DCC: variants seen among roughly 807,000 people sequenced by gnomAD.
The protein encoded by DCC is DCC netrin 1 receptor.
DCC carries 58 observed loss-of-function variants against 172.5 expected under a neutral mutation model. That is an observed-to-expected ratio of 0.34 (90% CI 0.27 to 0.42). DCC has a LOEUF of 0.42. DCC is among the 10% of genes least tolerant of loss of function. The pLI is 1.00. For missense variants in DCC, 1,740 were observed against 1,791.0 expected, an observed-to-expected ratio of 0.97 and a Z score of 0.51; for synonymous variants, 709 against 644.5, an observed-to-expected ratio of 1.10 and a Z score of -1.52.
chr18:53,263,601 A>G (rs2056631882), intron 12 of DCC, among the ~76,000 whole-genome samples: 1 of 152,210 alleles, frequency 6.6e-6, no homozygotes, highest in South Asian at 2.1e-4. Flanking sequence ...TTAATGGTGC[A>G]TCTAAAATAA....
chr18:53,023,405 A>G (rs2041911431), intron 5 of DCC, among the ~76,000 whole-genome samples: 1 of 13,838 alleles, frequency 7.2e-5, no homozygotes, highest in Non-Finnish European at 1.8e-4. Flanking sequence ...TCAGACCAAA[A>G]AAAAAAAAAA....
chr18:52,959,134 A>G (rs1433616796), intron 5 of DCC, among the ~76,000 whole-genome samples: 1 of 152,084 alleles, frequency 6.6e-6, no homozygotes, highest in African/African-American at 2.4e-5. Flanking sequence ...AATAAATAAC[A>G]TTTCAGGGGG....
intron 27 of DCC, among the ~76,000 whole-genome samples, chr18:53,500,023 CAATTAATTT>C (rs1013669952): frequency 4.6e-5 from 7 of 152,132 alleles, no homozygotes; most frequent in African/African-American, 1.2e-4. Context: ...GAGTACAACT[CAATTAATTT>C]TAAAAATGAA....
chr18:52,362,989 TC>T lies in DCC; in HGVS notation c.91+22113del, dbSNP rs200586226. ...TCTCGGCTTACTGCAACCTCTGCCT[TC>T]CGGGTTCAAGCGATTACCCTGCCTC... On this transcript the variant is annotated intron_variant, in intron 1 of 28. Coordinates refer to ENST00000442544, the MANE Select transcript of DCC (RefSeq NM_005215.4). Among the ~76,000 whole-genome samples the T allele has an allele frequency of 3.5e-3, 536 of 152,176 alleles. 6 individuals are homozygous for T. Among genetic ancestry groups the T allele is most frequent in the African/African-American group, 0.012 (508 of 41,524 alleles).
chr18:53,173,422 T>C (rs1209965339), intron 8 of DCC, among the ~76,000 whole-genome samples: 1 of 152,118 alleles, frequency 6.6e-6, no homozygotes, highest in Non-Finnish European at 1.5e-5. Flanking sequence ...GAGTGTACAG[T>C]TCTATGGTAT....
chr18:52,517,795 A>G (rs781715900), intron 1 of DCC, among the ~76,000 whole-genome samples: 17 of 152,148 alleles, frequency 1.1e-4, no homozygotes, highest in Non-Finnish European at 2.2e-4. Context: ...GACTTCTGAT[A>G]CCATAAATTA....
At chr18:53,108,674 T>G (rs935134670) in intron 7 of DCC, among the ~76,000 whole-genome samples, 1 of 151,794 alleles carries the variant, frequency 6.6e-6, no homozygotes, top group South Asian at 2.1e-4. Context: ...TATATATGAA[T>G]GGAATCCCAC....
intron 7 of DCC, among the ~76,000 whole-genome samples, chr18:53,125,215 G>A (rs932029162): frequency 3.3e-4 from 50 of 151,964 alleles, no homozygotes; most frequent in African/African-American, 6.3e-4. Flanking sequence ...GGATTTTACC[G>A]AAATAATAGT....
At chr18:52,776,862 A>G (rs2037444189) in intron 2 of DCC, among the ~76,000 whole-genome samples, 1 of 152,172 alleles carries the variant, frequency 6.6e-6, no homozygotes, top group Non-Finnish European at 1.5e-5. Context: ...AGTATAAAAT[A>G]CATTGTCAGA....
chr18:52,634,498 G>C (rs1427948911), intron 1 of DCC, among the ~76,000 whole-genome samples: 1 of 152,134 alleles, frequency 6.6e-6, no homozygotes, highest in African/African-American at 2.4e-5. Flanking sequence ...ATGATCTATT[G>C]TCATTTAAAT....
intron 15 of DCC, among the ~76,000 whole-genome samples, chr18:53,350,159 T>G (rs2057773187): frequency 1.3e-5 from 2 of 152,148 alleles, no homozygotes; most frequent in Admixed American, 1.3e-4. Context: ...AATATTCCTG[T>G]GAGGATTTAT....
intron 1 of DCC, among the ~76,000 whole-genome samples, chr18:52,517,216 T>C (rs9952084): frequency 0.45 from 68,473 of 152,090 alleles, 15,491 homozygotes; most frequent in East Asian, 0.57. Flanking sequence ...ATATCTGTTC[T>C]AGATGAAATT....
chr18:53,094,315 G>A lies in DCC; in HGVS notation c.1261+28149G>A, dbSNP rs544708608. Among the ~76,000 whole-genome samples the A allele has an allele frequency of 3.3e-5, 5 of 152,290 alleles. No individual in the cohort carries two copies. The East Asian group carries it at 9.7e-4, about 29-fold the overall frequency. ...GAAGAAGGACTTTGTAATGAAATAT[G>A]TACTATCTATTTTTCTCATTCCTCT... On this transcript the variant is annotated intron_variant, in intron 7 of 28. Transcript: ENST00000442544.
At chr18:52,555,821 A>G (rs1424031402) in intron 1 of DCC, among the ~76,000 whole-genome samples, 3 of 152,306 alleles carry the variant, frequency 2.0e-5, no homozygotes, top group Non-Finnish European at 4.4e-5. Context: ...AGGATGTTTT[A>G]TAGACTGTGT....
chr18:53,419,432 C>T (rs1219660231), intron 21 of DCC, among the ~76,000 whole-genome samples: 1 of 152,158 alleles, frequency 6.6e-6, no homozygotes, highest in East Asian at 1.9e-4. Context: ...CACCTCCCCT[C>T]TCCCCAGCCC....
chr18:53,087,125 G>A (rs2042925034), intron 7 of DCC, among the ~76,000 whole-genome samples: 1 of 152,064 alleles, frequency 6.6e-6, no homozygotes, highest in African/African-American at 2.4e-5. Context: ...CCAGCAATGG[G>A]ATGGCTGGGT....
chr18:52,356,941 C>T (rs1000662848), intron 1 of DCC, among the ~76,000 whole-genome samples: 1 of 152,122 alleles, frequency 6.6e-6, no homozygotes, highest in African/African-American at 2.4e-5. Flanking sequence ...TACCACCACA[C>T]CTGGCTAATT....
chr18:53,412,890 G>T (rs761267809), intron 20 of DCC, among the ~76,000 whole-genome samples: 5 of 152,070 alleles, frequency 3.3e-5, no homozygotes, highest in Non-Finnish European at 7.3e-5. Context: ...ACTTATGTAG[G>T]TACACATATA....
intron 12 of DCC, among the ~76,000 whole-genome samples, chr18:53,227,391 A>G (rs1254445607): frequency 6.6e-6 from 1 of 152,222 alleles, no homozygotes; most frequent in Non-Finnish European, 1.5e-5. Context: ...ACACTCAACA[A>G]TGAAACCCAC....
Sources: gnomAD v4.1 joint callset for allele counts (sites outside exome capture counted in the v4.1 genomes callset) on GRCh38, gnomAD v4.1.1 for gene constraint, MANE v1.5 for transcripts, NCBI Gene and HGNC (gene_info 2026-07-23, HGNC 2026-07-21) for gene names.